Variants in CCNY observed in about 807,000 individuals in gnomAD.
CCNY encodes the protein cyclin Y, also known as cyclin-Y.
Under a neutral mutation model 42.8 loss-of-function variants are expected in CCNY, and 19 were observed. The observed-to-expected ratio is 0.44, with a 90% CI of 0.31 to 0.65. CCNY has a LOEUF of 0.65. Ranked by LOEUF, CCNY falls within the 30% of genes least tolerant of loss-of-function variation. The probability of loss-of-function intolerance (pLI) is 0.07; values close to 1 mark genes in which losing one functional copy is unlikely to be tolerated. For missense variants in CCNY, 370 were observed against 437.3 expected, an observed-to-expected ratio of 0.85 and a Z score of 1.37; for synonymous variants, 165 against 162.7, an observed-to-expected ratio of 1.01 and a Z score of -0.11.
intron 1 of CCNY, among the ~76,000 whole-genome samples, chr10:35,357,868 T>G (rs530524675): frequency 9.2e-5 from 14 of 151,824 alleles, no homozygotes; most frequent in Admixed American, 3.3e-4. Flanking sequence ...TCTCATCATT[T>G]ATATATTGAT....
At chr10:35,436,511 C>G (rs780303259) in intron 1 of CCNY, among the ~76,000 whole-genome samples, 1 of 152,132 alleles carries the variant, frequency 6.6e-6, no homozygotes, top group Non-Finnish European at 1.5e-5. Context: ...GGGCCCTGCT[C>G]CAGGGAGAGA....
chr10:35,532,938 G>GGC (rs1449485323), intron 7 of CCNY, among the ~76,000 whole-genome samples: 1 of 152,252 alleles, frequency 6.6e-6, no homozygotes, highest in African/African-American at 2.4e-5. Context: ...GGAAGGTCCA[G>GGC]GCAGGTCTCG....
chr10:35,434,741 A>G (rs1345723565), intron 1 of CCNY, among the ~76,000 whole-genome samples: 1 of 152,204 alleles, frequency 6.6e-6, no homozygotes, highest in Non-Finnish European at 1.5e-5. Flanking sequence ...CCTTGTTCAT[A>G]TCACAGTTCT....
intron 3 of CCNY, 75 bp from the exon 4 acceptor site, chr10:35,516,448 A>G: frequency 1.0e-6 from 1 of 963,648 alleles, no homozygotes; most frequent in South Asian, 1.3e-5. Flanking sequence ...ATCTCAAGTT[A>G]AGCGGGGGTG....
At chr10:35,410,919 G>C (rs1837889387) in intron 1 of CCNY, among the ~76,000 whole-genome samples, 2 of 152,198 alleles carry the variant, frequency 1.3e-5, no homozygotes, top group African/African-American at 4.8e-5. Flanking sequence ...TGTTGGATTT[G>C]GGGAAGACTT....
chr10:35,419,877 T>C (rs1416015745), intron 1 of CCNY, among the ~76,000 whole-genome samples: 1 of 152,016 alleles, frequency 6.6e-6, no homozygotes, highest in African/African-American at 2.4e-5. Context: ...GATTACTAAT[T>C]TCTAGGCAAA....
intron 4 of CCNY, among the ~76,000 whole-genome samples, chr10:35,520,850 G>A (rs866513567): frequency 2.0e-5 from 3 of 152,156 alleles, no homozygotes; most frequent in African/African-American, 4.8e-5. Flanking sequence ...TGCCTCTGCA[G>A]CCAACCCCTC....
At chr10:35,262,370 T>TTTATTTTATTTTATTTTATTTTATTTTA (rs1565056225) in intron 3 of CCNY, among the ~76,000 whole-genome samples, 1 of 148,888 alleles carries the variant, frequency 6.7e-6, no homozygotes, top group African/African-American at 2.6e-5. Flanking sequence ...TTTATTTTAT[T>TTTATTTTATTTTATTTTATTTTATTTTA]TTATTTGAGA....
intron 1 of CCNY, among the ~76,000 whole-genome samples, chr10:35,359,184 A>C (rs1836625888): frequency 6.6e-6 from 1 of 152,104 alleles, no homozygotes; most frequent in Non-Finnish European, 1.5e-5. Flanking sequence ...ATCACCTCTC[A>C]GTGTTACTCC....
At chr10:35,386,556 T>G (rs1277809714) in intron 1 of CCNY, among the ~76,000 whole-genome samples, 3 of 152,220 alleles carry the variant, frequency 2.0e-5, no homozygotes, top group Non-Finnish European at 4.4e-5. Flanking sequence ...ACTTTATTAT[T>G]GGCTTTTACA....
intron 7 of CCNY, among the ~76,000 whole-genome samples, chr10:35,531,745 C>A (rs1840774983): frequency 6.6e-6 from 1 of 152,138 alleles, no homozygotes; most frequent in South Asian, 2.1e-4. Context: ...TTTTTTCTAC[C>A]TTTAATTCCT....
chr10:35,353,500 C>T (rs572667398), intron 1 of CCNY, among the ~76,000 whole-genome samples: 61 of 152,260 alleles, frequency 4.0e-4, no homozygotes, highest in Non-Finnish European at 7.1e-4. Flanking sequence ...AGATAGCCTT[C>T]GTAGAATCAC....
intron 3 of CCNY, among the ~76,000 whole-genome samples, chr10:35,265,843 A>T (rs761495310): frequency 3.3e-4 from 50 of 152,340 alleles, no homozygotes; most frequent in Non-Finnish European, 5.7e-4. Flanking sequence ...GAAGCCCACC[A>T]GCGTGTCACT....
intron 1 of CCNY, among the ~76,000 whole-genome samples, chr10:35,367,870 C>G (rs1836842957): frequency 6.6e-6 from 1 of 152,204 alleles, no homozygotes; most frequent in Non-Finnish European, 1.5e-5. Context: ...CTAATTTTGC[C>G]TATACTCCTA....
At chr10:35,468,340 G>A (rs945329097) in intron 1 of CCNY, among the ~76,000 whole-genome samples, 2 of 152,136 alleles carry the variant, frequency 1.3e-5, no homozygotes, top group Admixed American at 1.3e-4. Flanking sequence ...AGGATTTAAC[G>A]TATGAATTTT....
At chr10:35,561,570 C>T (rs1841467259) in intron 8 of CCNY, among the ~76,000 whole-genome samples, 1 of 152,184 alleles carries the variant, frequency 6.6e-6, no homozygotes, top group South Asian at 2.1e-4. Context: ...AGAGGGCTCA[C>T]AGGTTTCAGC....
chr10:35,422,362 C>T (rs916765433), intron 1 of CCNY, among the ~76,000 whole-genome samples: 1 of 152,138 alleles, frequency 6.6e-6, no homozygotes, highest in Non-Finnish European at 1.5e-5. Context: ...AAGCATTGGA[C>T]TTAGCATTAG....
At chr10:35,441,015 T>C (rs1838654746) in intron 1 of CCNY, among the ~76,000 whole-genome samples, 1 of 152,190 alleles carries the variant, frequency 6.6e-6, no homozygotes, top group South Asian at 2.1e-4. Context: ...AGAGAGAGTA[T>C]ACAATTGCCA....
At chr10:35,259,672 G>GT (rs1202854456) in intron 3 of CCNY, among the ~76,000 whole-genome samples, 59,203 of 85,272 alleles carry the variant, frequency 0.69, 17,326 homozygotes, top group Middle Eastern at 0.75. Context: ...CTGGCTAATT[G>GT]TTTTTTTTTT....
Sources: gnomAD v4.1 joint callset for allele counts (sites outside exome capture counted in the v4.1 genomes callset) on GRCh38, gnomAD v4.1.1 for gene constraint, MANE v1.5 for transcripts, NCBI Gene and HGNC (gene_info 2026-07-23, HGNC 2026-07-21) for gene names.